Variants in PTPN5 observed in about 807,000 individuals in gnomAD.
PTPN5 encodes the protein protein tyrosine phosphatase non-receptor type 5, also known as tyrosine-protein phosphatase non-receptor type 5.
A neutral mutation model predicts 73.9 loss-of-function variants in PTPN5; 29 were observed. The ratio of observed to expected loss-of-function variants is 0.39; its 90% CI spans 0.29 to 0.54. The LOEUF is 0.54. PTPN5 is among the 20% of genes least tolerant of loss of function. The pLI is 0.65. For missense variants in PTPN5, 652 were observed against 751.4 expected (o/e 0.87, Z 1.55); for synonymous variants, 267 against 304.7 (o/e 0.88, Z 1.29).
At position 18,765,863 on chromosome 11, in the gene PTPN5, G is replaced by A. The variant is rs1427676973; in HGVS notation, c.41C>T (p.Ala14Val). 1 of 1,579,984 alleles carries A rather than the reference G, an allele frequency of 6.3e-7. No individual in the cohort carries two copies. Among genetic ancestry groups the A allele is most frequent in the Admixed American group, 1.8e-5 (1 of 55,240 alleles). The change falls in exon 3 of 15, where the codon GCT becomes GTT. Residue 14 changes from alanine (A) to valine (V), a missense_variant. Physicochemically the swap from Ala to Val is moderately conservative, Grantham distance 64. Transcript: ENST00000358540. ...GGCCCCTCCCTCGGAGTCATCAGCA[G>A]CGTGGTTCTCTCTCTCACTCCTGCA... ...EGARSERENH[A>V]ADDSEGGALD...
chr11:18,759,709 A>T, intron 3 of PTPN5, among the ~76,000 whole-genome samples: 1 of 150,866 alleles, frequency 6.6e-6, no homozygotes, highest in South Asian at 2.1e-4. Flanking sequence ...TCTTGAATGA[A>T]AACAGAACCA....
intron 3 of PTPN5, among the ~76,000 whole-genome samples, chr11:18,761,090 T>G (rs1327313075): frequency 1.3e-5 from 2 of 152,330 alleles, no homozygotes; most frequent in Admixed American, 1.3e-4. Context: ...ACGCAAGCAA[T>G]GGCCCTTGCA....
In PTPN5 at chr11:18,771,372, G is replaced by A. The variant is rs184941684; in HGVS notation, c.20+567C>T. The stretch of plus-strand genomic sequence containing the variant: ...AAATCTTACTCATTCTCCAAGGTGC[G>A]ACTCAGGCGGTGCGTCTTCCACGGA... On this transcript the variant is annotated intron_variant, in intron 2 of 14. Transcript: ENST00000358540. Among the ~76,000 whole-genome samples the A allele has an allele frequency of 5.3e-5, 8 of 152,220 alleles. No homozygotes were observed. In the East Asian group the frequency reaches 5.8e-4, roughly 11 times the overall value.
chr11:18,767,937 C>T (rs528905602), intron 2 of PTPN5, among the ~76,000 whole-genome samples: 5 of 152,330 alleles, frequency 3.3e-5, no homozygotes, highest in Non-Finnish European at 7.3e-5. Flanking sequence ...ATGCTTTTCT[C>T]TCACATGGTA....
chr11:18,772,625 G>A (rs1209054113), intron 1 of PTPN5, among the ~76,000 whole-genome samples: 2 of 152,186 alleles, frequency 1.3e-5, no homozygotes, highest in Non-Finnish European at 2.9e-5. Flanking sequence ...AGGGACCCCA[G>A]GGAAGGGAAG....
intron 3 of PTPN5, among the ~76,000 whole-genome samples, chr11:18,758,981 C>T (rs1030413488): frequency 6.6e-6 from 1 of 151,974 alleles, no homozygotes; most frequent in African/African-American, 2.4e-5. Flanking sequence ...CCCCACCAAC[C>T]CTGGCCCCTT....
At chr11:18,766,816 G>C (rs556691325) in intron 2 of PTPN5, among the ~76,000 whole-genome samples, 1 of 152,312 alleles carries the variant, frequency 6.6e-6, no homozygotes, top group South Asian at 2.1e-4. Flanking sequence ...GGCAGTAGCT[G>C]ATGACTGATC....
intron 3 of PTPN5, among the ~76,000 whole-genome samples, chr11:18,755,771 C>T (rs569268080): frequency 2.6e-5 from 4 of 152,038 alleles, no homozygotes; most frequent in South Asian, 2.1e-4. Context: ...TTTGGGAGGC[C>T]GAGGCGGGCA....
Position 18,733,674 on chromosome 11 carries a change from C to A in PTPN5, c.1001-39G>T. The A allele has an allele frequency of 6.3e-7, 1 of 1,594,122 alleles. No homozygotes were observed. The highest frequency in any genetic ancestry group is 1.1e-5 in the South Asian group (1 of 90,596). ...AGACAAGTAAGGCTGGAAACTGGGC[C>A]CTCTGGTGCAGGACCCACTTGCTCT... On this transcript the variant is annotated intron_variant, in intron 9 of 14. Coordinates refer to ENST00000358540, the MANE Select transcript of PTPN5 (RefSeq NM_006906.2). This position sits in a 1 kb window ranked among gnomAD's most constrained non-coding sequence, Gnocchi z 4.3.
chr11:18,772,185 C>T, intron 1 of PTPN5, 114 bp from the exon 2 acceptor site: 1 of 530,404 alleles, frequency 1.9e-6, no homozygotes, highest in Middle Eastern at 4.5e-4. Context: ...TCACCTTTCT[C>T]CTCCCCTGGT....
chr11:18,750,580 T>C (rs1364108031), intron 3 of PTPN5, among the ~76,000 whole-genome samples: 1 of 152,200 alleles, frequency 6.6e-6, no homozygotes, highest in Non-Finnish European at 1.5e-5. Context: ...TATCTCATTG[T>C]GGGGATGGAG....
chr11:18,776,525 G>A (rs1358707654), intron 1 of PTPN5, among the ~76,000 whole-genome samples: 2 of 152,044 alleles, frequency 1.3e-5, no homozygotes, highest in African/African-American at 4.8e-5. Context: ...TTTTATTGCA[G>A]GCTTATTGTG....
chr11:18,790,732 G>A (rs1160957392), intron 1 of PTPN5, among the ~76,000 whole-genome samples: 1 of 152,086 alleles, frequency 6.6e-6, no homozygotes, highest in African/African-American at 2.4e-5. Context: ...AATGTGGGTG[G>A]GATCTAGTTG....
chr11:18,766,019 G>A (rs962321635), intron 2 of PTPN5, 136 bp from the exon 3 acceptor site: 11 of 703,832 alleles, frequency 1.6e-5, no homozygotes, highest in Non-Finnish European at 2.8e-5. Flanking sequence ...AGGGACCTGA[G>A]GAAAATACCA....
At chr11:18,759,104 C>T (rs1296243379) in intron 3 of PTPN5, among the ~76,000 whole-genome samples, 1 of 152,176 alleles carries the variant, frequency 6.6e-6, no homozygotes. Context: ...CACTCCACTG[C>T]TGTAGAACTG....
At chr11:18,738,104 G>T in intron 8 of PTPN5, 140 bp from the exon 9 acceptor site, 1 of 698,434 alleles carries the variant, frequency 1.4e-6, no homozygotes, top group Non-Finnish European at 2.6e-6. Context: ...ACTATTAAGA[G>T]AGTTAGTGCT....
intron 3 of PTPN5, among the ~76,000 whole-genome samples, chr11:18,747,717 T>A (rs1849703386): frequency 6.6e-6 from 1 of 152,042 alleles, no homozygotes; most frequent in Non-Finnish European, 1.5e-5. Context: ...TGGGAAAAAA[T>A]TTTGATGGTA....
intron 3 of PTPN5, among the ~76,000 whole-genome samples, chr11:18,754,058 T>C (rs181295660): frequency 6.6e-6 from 1 of 151,932 alleles, no homozygotes; most frequent in Admixed American, 6.5e-5. Flanking sequence ...AGGAAGTAAA[T>C]AAGTGAATAA....
At chr11:18,731,803 TG>T (rs1012668860) in intron 12 of PTPN5, among the ~76,000 whole-genome samples, 1 of 152,204 alleles carries the variant, frequency 6.6e-6, no homozygotes, top group African/African-American at 2.4e-5. Flanking sequence ...CAGTAACCCC[TG>T]TGGCTGTCAG....
Sources: allele counts gnomAD v4.1 joint callset (sites outside exome capture counted in the v4.1 genomes callset), GRCh38; gene constraint gnomAD v4.1.1; non-coding constraint Gnocchi (gnomAD v3.1); transcripts MANE v1.5; gene names NCBI Gene and HGNC (gene_info 2026-07-23, HGNC 2026-07-21).